Variants in CACUL1 observed in about 807,000 individuals in gnomAD.
CACUL1 encodes the protein CDK2-associated and cullin domain-containing protein 1.
In CACUL1, 13 loss-of-function variants were observed where a neutral mutation model predicts 45.2. The observed-to-expected ratio is 0.29, with a 90% CI of 0.19 to 0.46. The LOEUF is 0.46. CACUL1 is among the 20% of genes least tolerant of loss of function. The probability of loss-of-function intolerance (pLI) is 1.00; values close to 1 mark genes in which losing one functional copy is unlikely to be tolerated. For synonymous variants in CACUL1, 197 were observed against 174.2 expected (o/e 1.13, Z -1.03); for missense variants, 421 against 471.4 (o/e 0.89, Z 0.99).
chr10:118,723,555 C>T (rs1344650050), intron 3 of CACUL1, among the ~76,000 whole-genome samples: 1 of 152,146 alleles, frequency 6.6e-6, no homozygotes, highest in Non-Finnish European at 1.5e-5. Context: ...TAAGAAACTA[C>T]TGGTGATGAA....
chr10:118,732,408 C>T (rs925578324), intron 1 of CACUL1, among the ~76,000 whole-genome samples: 4 of 152,166 alleles, frequency 2.6e-5, no homozygotes, highest in East Asian at 1.9e-4. Flanking sequence ...AGCTGTCCAG[C>T]GGGCATAGCA....
At chr10:118,725,511 G>C (rs952953297) in intron 3 of CACUL1, among the ~76,000 whole-genome samples, 14 of 152,052 alleles carry the variant, frequency 9.2e-5, no homozygotes, top group African/African-American at 3.4e-4. Flanking sequence ...CGAGAAAAGA[G>C]CCTGGTTTAA....
At chr10:118,726,740 G>T (rs1310382144) in intron 3 of CACUL1, among the ~76,000 whole-genome samples, 1 of 152,116 alleles carries the variant, frequency 6.6e-6, no homozygotes, top group Non-Finnish European at 1.5e-5. Context: ...ACTTCCTTTT[G>T]ATGTCGAGAA....
intron 1 of CACUL1, among the ~76,000 whole-genome samples, chr10:118,750,193 G>A (rs1589621985): frequency 6.6e-6 from 1 of 152,098 alleles, no homozygotes; most frequent in East Asian, 1.9e-4. Context: ...GGGCATGGTG[G>A]TGCACACCTG....
At chr10:118,726,546 G>T (rs930163605) in intron 3 of CACUL1, among the ~76,000 whole-genome samples, 5 of 152,172 alleles carry the variant, frequency 3.3e-5, no homozygotes, top group African/African-American at 1.2e-4. Flanking sequence ...TGGATCCACA[G>T]AAGAAATGCC....
intron 1 of CACUL1, among the ~76,000 whole-genome samples, chr10:118,746,405 T>C (rs1309432980): frequency 2.6e-5 from 4 of 152,180 alleles, no homozygotes; most frequent in Admixed American, 1.3e-4. Flanking sequence ...TGGATATCCA[T>C]ATAGAATAAA....
In CACUL1 at chr10:118,685,771, C is replaced by CT; in HGVS notation, c.*356dup. On this transcript the variant is annotated 3_prime_UTR_variant, in exon 9 of 9. Coordinates refer to ENST00000369151, the MANE Select transcript of CACUL1 (RefSeq NM_153810.5). ...AGTCCACAAATGAACAAAACAAGTG[C>CT]TTAAAAAAAAAATTCTTCTGCTCTT... 1 of 176,652 alleles carries CT rather than the reference C, an allele frequency of 5.7e-6. No individual in the cohort carries two copies. The allele number at this position is 176,652 out of a possible 1,614,324, so 10.9% of individuals were successfully genotyped here.
intron 1 of CACUL1, among the ~76,000 whole-genome samples, chr10:118,747,021 G>A (rs73423990): frequency 1.3e-5 from 2 of 152,162 alleles, no homozygotes; most frequent in South Asian, 2.1e-4. Flanking sequence ...TCAGATCAGC[G>A]CAGGAATTAG....
Position 118,683,849 on chromosome 10 carries a change from T to G in CACUL1, c.*2279A>C, listed in dbSNP as rs1589599271. ...TAAATAAGCAAAGTCTATTTCAACT[T>G]AAACAGGTCCTTCAAACTGTGATGT... On this transcript the variant is annotated 3_prime_UTR_variant, in exon 9 of 9. Coordinates refer to ENST00000369151, the MANE Select transcript of CACUL1 (RefSeq NM_153810.5). The G allele has an allele frequency of 6.6e-6, 1 of 152,182 alleles. No homozygotes were observed. Among genetic ancestry groups the G allele is most frequent in the East Asian group, 1.9e-4 (1 of 5,198 alleles). The allele number at this position is 152,182 out of a possible 1,614,324, so 9.4% of individuals were successfully genotyped here.
chr10:118,736,289 A>T (rs1397679856), intron 1 of CACUL1, among the ~76,000 whole-genome samples: 2 of 152,210 alleles, frequency 1.3e-5, no homozygotes, highest in Non-Finnish European at 2.9e-5. Flanking sequence ...TTATGTTTTA[A>T]GCTAAGAGTT....
intron 3 of CACUL1, 142 bp downstream of exon 3, chr10:118,729,153 T>C (rs1489465108): frequency 8.3e-6 from 5 of 604,074 alleles, no homozygotes; most frequent in African/African-American, 1.9e-5. Context: ...AATTACATGA[T>C]TTGATCAACA....
chr10:118,704,247 T>C (rs947303052), intron 4 of CACUL1, among the ~76,000 whole-genome samples: 5 of 152,096 alleles, frequency 3.3e-5, no homozygotes, highest in African/African-American at 1.2e-4. Flanking sequence ...ACATTAGGTA[T>C]GGAAAAATCT....
At chr10:118,715,320 T>C (rs911152796) in intron 3 of CACUL1, among the ~76,000 whole-genome samples, 2 of 152,192 alleles carry the variant, frequency 1.3e-5, no homozygotes, top group Non-Finnish European at 2.9e-5. Context: ...AAAGAAAGCT[T>C]GTCATCTTTA....
At chr10:118,728,312 C>G (rs1162247873) in intron 3 of CACUL1, among the ~76,000 whole-genome samples, 1 of 104,332 alleles carries the variant, frequency 9.6e-6, no homozygotes, top group Non-Finnish European at 2.1e-5. Context: ...TGCTGAGTGA[C>G]TTTTCTTTTT....
chr10:118,749,129 A>C lies in CACUL1; in HGVS notation c.367+5267T>G, dbSNP rs374515538. 8.5e-5 allele frequency among the ~76,000 whole-genome samples: 13 copies of C among 152,206 alleles called. 1 individual carries two copies. In the East Asian group the frequency reaches 1.5e-3, roughly 18 times the overall value. On this transcript the variant is annotated intron_variant, in intron 1 of 8. Coordinates refer to ENST00000369151, the MANE Select transcript of CACUL1 (RefSeq NM_153810.5). ...GAGAAATATATAAATAATTAAATAT[A>C]ATTACTGAAAAAAATGCTGTGGTGG...
chr10:118,686,036 G>A lies in CACUL1; in HGVS notation c.*92C>T. ...TGAACAGCTTTGTGACAGAGCTCCT[G>A]AGTGTGTGCAGCCCCCACTGTGCTC... On this transcript the variant is annotated 3_prime_UTR_variant, in exon 9 of 9. Transcript: ENST00000369151. 1 of 821,742 alleles carries A rather than the reference G, an allele frequency of 1.2e-6. No individual in the cohort carries two copies. Among genetic ancestry groups the A allele is most frequent in the Non-Finnish European group, 2.0e-6 (1 of 493,108 alleles). The allele number at this position is 821,742 out of a possible 1,614,324, so 50.9% of individuals were successfully genotyped here.
At chr10:118,738,892 T>TAA (rs150393133) in intron 1 of CACUL1, among the ~76,000 whole-genome samples, 3,406 of 62,128 alleles carry the variant, frequency 0.055, 283 homozygotes, top group East Asian at 0.18. Flanking sequence ...CAAGTGCTCT[T>TAA]AAAAAAAAAA....
intron 3 of CACUL1, among the ~76,000 whole-genome samples, chr10:118,724,706 G>A (rs772037703): frequency 6.6e-6 from 1 of 152,186 alleles, no homozygotes; most frequent in Non-Finnish European, 1.5e-5. Context: ...GCAGGCATGA[G>A]CCAATGATGA....
At position 118,707,962 on chromosome 10, in the gene CACUL1, A is replaced by G. The variant is rs538573640; in HGVS notation, c.598-375T>C. Among the ~76,000 whole-genome samples, 3 of 152,220 alleles carry G rather than the reference A, an allele frequency of 2.0e-5. No individual in the cohort carries two copies. The East Asian group carries it at 5.8e-4, about 29-fold the overall frequency. Reference sequence around the variant, plus strand: ...CAGGAGTTCAAGACCAGCCTGGTCAACATGGTGAAACCCTGTCTCTACTAA... The same window carrying G: ...CAGGAGTTCAAGACCAGCCTGGTCAGCATGGTGAAACCCTGTCTCTACTAA... On this transcript the variant is annotated intron_variant, in intron 3 of 8. Coordinates refer to ENST00000369151, the MANE Select transcript of CACUL1 (RefSeq NM_153810.5).
Sources: gnomAD v4.1 joint callset for allele counts (sites outside exome capture counted in the v4.1 genomes callset) on GRCh38, gnomAD v4.1.1 for gene constraint, MANE v1.5 for transcripts, NCBI Gene and HGNC (gene_info 2026-07-23, HGNC 2026-07-21) for gene names.